N4BP2L2: variants seen among roughly 807,000 people sequenced by gnomAD.
N4BP2L2 encodes NEDD4-binding protein 2-like 2.
In N4BP2L2, 50 loss-of-function variants were observed where a neutral mutation model predicts 56.2. The observed-to-expected ratio is 0.89, with a 90% CI of 0.71 to 1.13. The LOEUF (loss-of-function observed/expected upper bound fraction) is 1.13, where lower values mean the gene tolerates loss of function less well. Among genes scored for constraint, N4BP2L2 ranks in the 50% most tolerant of loss-of-function variants. The probability of loss-of-function intolerance (pLI) is 0.00; values close to 1 mark genes in which losing one functional copy is unlikely to be tolerated. For synonymous variants in N4BP2L2, 203 were observed against 223.6 expected (o/e 0.91, Z 0.82); for missense variants, 689 against 693.8 (o/e 0.99, Z 0.08).
At chr13:32,465,148 G>A (rs2080998378) in intron 6 of N4BP2L2, among the ~76,000 whole-genome samples, 1 of 151,998 alleles carries the variant, frequency 6.6e-6, no homozygotes, top group Non-Finnish European at 1.5e-5. Flanking sequence ...TGTATTTTTA[G>A]TAGAGACGGG....
At chr13:32,523,805 CAGGGGGAAAG>C (rs1471864230) in intron 3 of N4BP2L2, 3 of 152,038 alleles carry the variant, frequency 2.0e-5, no homozygotes, top group Non-Finnish European at 1.5e-5. Context: ...TCTGGAGACT[CAGGGGGAAAG>C]GGTGGGAAGG....
chr13:32,501,552 C>T (rs2090003764), intron 6 of N4BP2L2, among the ~76,000 whole-genome samples: 1 of 151,950 alleles, frequency 6.6e-6, no homozygotes, highest in Non-Finnish European at 1.5e-5. Context: ...CGGTGGCTCA[C>T]GCCTGTAATC....
intron 2 of N4BP2L2, among the ~76,000 whole-genome samples, chr13:32,530,405 T>A (rs907836959): frequency 4.6e-5 from 7 of 152,084 alleles, no homozygotes; most frequent in African/African-American, 1.7e-4. Flanking sequence ...AATAAATTAT[T>A]TAAGAACATC....
chr13:32,458,133 C>T (rs929885161), intron 6 of N4BP2L2, among the ~76,000 whole-genome samples: 22 of 152,156 alleles, frequency 1.4e-4, no homozygotes, highest in African/African-American at 4.3e-4. Flanking sequence ...GGCATGATCT[C>T]GGCTCACTGT....
At chr13:32,491,592 A>T (rs1352784018) in intron 6 of N4BP2L2, among the ~76,000 whole-genome samples, 1 of 146,476 alleles carries the variant, frequency 6.8e-6, no homozygotes, top group Non-Finnish European at 1.5e-5. Flanking sequence ...AATTATATAT[A>T]CTATATGTAT....
At chr13:32,489,705 G>A (rs1170616162) in intron 6 of N4BP2L2, among the ~76,000 whole-genome samples, 2 of 149,388 alleles carry the variant, frequency 1.3e-5, no homozygotes, top group East Asian at 3.9e-4. Flanking sequence ...CTATCAAAAG[G>A]TTCATCCTGT....
At chr13:32,534,187 TTGG>T (rs1403170650) in intron 2 of N4BP2L2, among the ~76,000 whole-genome samples, 2 of 152,226 alleles carry the variant, frequency 1.3e-5, no homozygotes, top group Non-Finnish European at 2.9e-5. Context: ...ATGGTACTTG[TTGG>T]TACTACATAC....
chr13:32,538,135 T>C (rs1237577778), intron 1 of N4BP2L2, among the ~76,000 whole-genome samples: 1 of 150,528 alleles, frequency 6.6e-6, no homozygotes, highest in Non-Finnish European at 1.5e-5. Context: ...CCCAGAGGCC[T>C]ATTCCACCCA....
At chr13:32,466,060 A>G (rs189440131) in intron 6 of N4BP2L2, among the ~76,000 whole-genome samples, 23 of 152,322 alleles carry the variant, frequency 1.5e-4, no homozygotes, top group Admixed American at 1.0e-3. Context: ...ACATCCTACA[A>G]TTTAAAAACT....
intron 6 of N4BP2L2, among the ~76,000 whole-genome samples, chr13:32,492,121 T>C (rs535794061): frequency 1.3e-5 from 2 of 152,264 alleles, no homozygotes; most frequent in South Asian, 2.1e-4. Flanking sequence ...AAAAATGTTA[T>C]ATTACGTAAC....
At chr13:32,514,192 CAT>C (rs1237164113) in exon 6 of N4BP2L2, 1 of 151,990 alleles carries the variant, frequency 6.6e-6, no homozygotes, top group Non-Finnish European at 1.5e-5. Context: ...AAAAAGCTAA[CAT>C]TATCTTTTAC....
chr13:32,492,369 G>A (rs1438305027), intron 6 of N4BP2L2, among the ~76,000 whole-genome samples: 3 of 129,184 alleles, frequency 2.3e-5, no homozygotes, highest in South Asian at 2.6e-4. Flanking sequence ...TGCAAGACCC[G>A]CCTCCCGGAT....
intron 4 of N4BP2L2, 50 bp downstream of exon 4, chr13:32,522,132 A>T: frequency 7.9e-7 from 1 of 1,268,928 alleles, no homozygotes. Context: ...TAGAATGTGA[A>T]AAAATTGACA....
intron 6 of N4BP2L2, among the ~76,000 whole-genome samples, chr13:32,444,991 G>C (rs1055305744): frequency 6.6e-5 from 10 of 152,222 alleles, no homozygotes; most frequent in Non-Finnish European, 1.3e-4. Context: ...GCTCACGCCT[G>C]TAATCCCACG....
chr13:32,442,512 C>G, exon 7 of N4BP2L2: 2 of 1,613,740 alleles, frequency 1.2e-6, no homozygotes, highest in South Asian at 2.2e-5. Flanking sequence ...CTGGTAATTC[C>G]TTAGGTTCTT....
At chr13:32,527,939 T>C (rs1373841395) in intron 2 of N4BP2L2, among the ~76,000 whole-genome samples, 1 of 152,102 alleles carries the variant, frequency 6.6e-6, no homozygotes, top group Non-Finnish European at 1.5e-5. Context: ...GCCTGGCTAA[T>C]TTTTGCATTT....
At chr13:32,520,357 TA>T (rs55842806) in intron 5 of N4BP2L2, among the ~76,000 whole-genome samples, 1,831 of 137,438 alleles carry the variant, frequency 0.013, 34 homozygotes, top group African/African-American at 0.041. Flanking sequence ...CGATAAAAGT[TA>T]AAAAAAAAAA....
intron 6 of N4BP2L2, chr13:32,480,773 C>A (rs1431299310): frequency 2.3e-6 from 1 of 431,312 alleles, no homozygotes; most frequent in Non-Finnish European, 3.9e-6. Context: ...AGTGTGATTT[C>A]TCCAAGACTG....
chr13:32,503,711 T>A (rs549301617), intron 6 of N4BP2L2, among the ~76,000 whole-genome samples: 3 of 152,302 alleles, frequency 2.0e-5, no homozygotes, highest in South Asian at 4.1e-4. Flanking sequence ...CAAATTACAT[T>A]AATAGATCGT....
Sources: allele counts gnomAD v4.1 joint callset (sites outside exome capture counted in the v4.1 genomes callset), GRCh38; gene constraint gnomAD v4.1.1; transcripts MANE v1.5; gene names NCBI Gene and HGNC (gene_info 2026-07-23, HGNC 2026-07-21).